SCYL2: variants seen among roughly 807,000 people sequenced by gnomAD.
The protein encoded by SCYL2 is SCY1 like pseudokinase 2.
SCYL2 carries 36 observed loss-of-function variants against 100.4 expected under a neutral mutation model. That is an observed-to-expected ratio of 0.36 (90% CI 0.27 to 0.47). The LOEUF (loss-of-function observed/expected upper bound fraction) is 0.47. Among genes scored for constraint, SCYL2 ranks in the 20% least tolerant of loss-of-function variants. SCYL2 has a pLI of 1.00. For synonymous variants in SCYL2, 330 were observed against 359.2 expected (o/e 0.92, Z 0.92); for missense variants, 902 against 1,083.9 (o/e 0.83, Z 2.36).
At position 100,311,068 on chromosome 12, in the gene SCYL2, C is replaced by T. The variant is rs1404664846; in HGVS notation, c.505C>T (p.His169Tyr). ...GGTTTCTGAAGGATTGTCATTCTTG[C>T]ATAGCAGTGTGAAAATGGTGCATGG... is the stretch of plus-strand genomic sequence containing the variant. ...LQVSEGLSFL[H>Y]SSVKMVHGNI... The change falls in exon 5 of 18, where the codon CAT (histidine) becomes TAT (tyrosine). Residue 169 changes from histidine (H) to tyrosine (Y), a missense_variant. Transcript: ENST00000360820. 1.3e-6 allele frequency: 2 copies of T among 1,596,492 alleles called. No individual in the cohort carries two copies. The highest frequency in any genetic ancestry group is 1.7e-5 in the Admixed American group (1 of 57,248).
intron 2 of SCYL2, among the ~76,000 whole-genome samples, chr12:100,283,721 G>A (rs779158838): frequency 6.6e-6 from 1 of 152,132 alleles, no homozygotes; most frequent in Non-Finnish European, 1.5e-5. Flanking sequence ...ACAATTGTGG[G>A]TATGCATTAT....
chr12:100,298,215 C>T (rs1046245633), intron 4 of SCYL2, 40 bp downstream of exon 4: 62 of 1,425,102 alleles, frequency 4.4e-5, no homozygotes, highest in Non-Finnish European at 5.6e-5. Context: ...GAGTTGTTTC[C>T]TTTAAAATTG....
chr12:100,316,521 A>G (rs2096348932), intron 9 of SCYL2, among the ~76,000 whole-genome samples: 1 of 152,244 alleles, frequency 6.6e-6, no homozygotes, highest in African/African-American at 2.4e-5. Flanking sequence ...TATATCAACT[A>G]TCTAATTTAA....
rs566659264 is a variant in SCYL2 at position 100,299,946 on chromosome 12, A to G, written c.480+1771A>G. Among the ~76,000 whole-genome samples the G allele has an allele frequency of 7.2e-5, 11 of 152,366 alleles. No homozygotes were observed. The East Asian group carries it at 2.1e-3, about 29-fold the overall frequency. Reference sequence around the variant, plus strand: ...TTTTAAGAAAATGATACTGTTTTCCATAGTGGTTGTGCCATTTTACATTTC... The same window carrying G: ...TTTTAAGAAAATGATACTGTTTTCCGTAGTGGTTGTGCCATTTTACATTTC... On this transcript the variant is annotated intron_variant, in intron 4 of 17. Coordinates refer to ENST00000360820, the MANE Select transcript of SCYL2 (RefSeq NM_017988.6).
At chr12:100,313,572 G>T in intron 7 of SCYL2, 34 bp downstream of exon 7, 1 of 1,174,092 alleles carries the variant, frequency 8.5e-7, no homozygotes, top group South Asian at 1.3e-5. Flanking sequence ...TAAGATGGAG[G>T]AACAAAAAAT....
chr12:100,295,636 C>T (rs555510760), intron 3 of SCYL2, among the ~76,000 whole-genome samples: 118 of 151,792 alleles, frequency 7.8e-4, no homozygotes, highest in Non-Finnish European at 9.0e-4. Context: ...TGCAGTGAGC[C>T]GAGATGGCAG....
At position 100,339,888 on chromosome 12, in the gene SCYL2, G is replaced by A. The variant is rs548864241; in HGVS notation, c.*716G>A. 52 of 152,502 alleles carry A rather than the reference G, an allele frequency of 3.4e-4. No homozygotes were observed. The highest frequency in any genetic ancestry group is 1.2e-3 in the African/African-American group (51 of 41,558). The allele number at this position is 152,502 out of a possible 1,614,324, so 9.4% of individuals were successfully genotyped here. A position where few individuals can be genotyped will look rare whatever the true frequency, so the allele number is the denominator to read the frequency against. ...TTCTGCATTCACTTGGATATATTTA[G>A]AATCACTTTTTTCCTCCTGTATCAA... On this transcript the variant is annotated 3_prime_UTR_variant, in exon 18 of 18. Transcript: ENST00000360820.
At chr12:100,321,342 G>A (rs1435927170) in intron 10 of SCYL2, among the ~76,000 whole-genome samples, 1 of 152,090 alleles carries the variant, frequency 6.6e-6, no homozygotes, top group Non-Finnish European at 1.5e-5. Context: ...TTGTGCTTCC[G>A]TTTTCCTCAG....
At chr12:100,270,069 C>T (rs1009300533) in intron 1 of SCYL2, among the ~76,000 whole-genome samples, 11 of 151,700 alleles carry the variant, frequency 7.3e-5, no homozygotes, top group Non-Finnish European at 1.5e-4. Flanking sequence ...TCACTGCAAG[C>T]TCCGCCTCCC....
chr12:100,312,554 T>C lies in SCYL2; in HGVS notation c.753T>C (p.Ser251=), dbSNP rs780224564. ...VSCETASDMY[S]LGTVMYAVFN... Reference sequence around the variant, plus strand: ...GTGAAACAGCCAGTGATATGTATTCTTTAGGAACTGTTATGTATGCTGTAT... The same window carrying C: ...GTGAAACAGCCAGTGATATGTATTCCTTAGGAACTGTTATGTATGCTGTAT... The change falls in exon 6 of 18, where the codon TCT becomes TCC. Residue 251 remains serine (S), a synonymous_variant. Transcript: ENST00000360820. 4 of 1,612,904 alleles carry C rather than the reference T, an allele frequency of 2.5e-6. No individual in the cohort carries two copies. Among genetic ancestry groups the C allele is most frequent in the Non-Finnish European group, 2.5e-6 (3 of 1,178,960 alleles).
Position 100,317,904 on chromosome 12 carries a change from A to G in SCYL2, c.1374A>G (p.Glu458=), listed in dbSNP as rs148050359. Residue 458 remains glutamate, a synonymous_variant, in exon 10 of 18, where the codon GAA becomes GAG. Coordinates refer to ENST00000360820, the MANE Select transcript of SCYL2 (RefSeq NM_017988.6). ...TACCCATGGTTTACAGAGCACTAGA[A>G]GCTCCTTCCATTCAGATCCAGGTAC... ...SVLPMVYRAL[E]APSIQIQELC... 539 of 1,587,434 alleles carry G rather than the reference A, an allele frequency of 3.4e-4. 8 individuals carry two copies. The African/African-American group carries it at 6.7e-3, about 20-fold the overall frequency.
intron 4 of SCYL2, among the ~76,000 whole-genome samples, chr12:100,307,917 G>A (rs1007984409): frequency 3.3e-5 from 5 of 152,182 alleles, no homozygotes; most frequent in African/African-American, 1.2e-4. Context: ...TTAGAGAAAT[G>A]CAAATCAAAA....
intron 4 of SCYL2, among the ~76,000 whole-genome samples, chr12:100,299,619 G>C (rs533973431): frequency 6.6e-6 from 1 of 151,910 alleles, no homozygotes; most frequent in South Asian, 2.1e-4. Context: ...GGAATCATAT[G>C]GTACCTATTC....
At chr12:100,296,570 C>T (rs994200401) in intron 3 of SCYL2, among the ~76,000 whole-genome samples, 7 of 151,996 alleles carry the variant, frequency 4.6e-5, no homozygotes, top group Non-Finnish European at 1.0e-4. Flanking sequence ...CCTGCTAACA[C>T]TGGGGAATAC....
Position 100,329,317 on chromosome 12 carries a change from C to G in SCYL2, c.1759C>G (p.Gln587Glu), listed in dbSNP as rs1350710771. ...LSIENNLNLN[Q>E]FNSFISVIKE... is the part of the protein sequence containing the mutation. Reference sequence around the variant, plus strand: ...TATTGAAAACAATCTTAATCTTAATCAGGTAGGAGTATTTTTGTGCTTTAT... The same window carrying G: ...TATTGAAAACAATCTTAATCTTAATGAGGTAGGAGTATTTTTGTGCTTTAT... The change falls in exon 13 of 18, where the codon CAG becomes GAG. Residue 587 changes from glutamine (Q) to glutamate (E), a missense_variant and splice_region_variant. Gln to Glu is a conservative substitution (Grantham distance 29). Coordinates refer to ENST00000360820, the MANE Select transcript of SCYL2 (RefSeq NM_017988.6). 1 of 1,438,170 alleles carries G rather than the reference C, an allele frequency of 7.0e-7. No individual in the cohort carries two copies. Among genetic ancestry groups the G allele is most frequent in the Non-Finnish European group, 9.8e-7 (1 of 1,021,174 alleles). 89.1% of individuals were successfully genotyped at this position (1,438,170 alleles called of 1,614,324 possible).
chr12:100,281,017 G>GTGTTTTGTTTTTTT (rs1356176611), intron 1 of SCYL2, among the ~76,000 whole-genome samples: 1 of 91,694 alleles, frequency 1.1e-5, no homozygotes, highest in African/African-American at 4.5e-5. Flanking sequence ...TTTACCATCA[G>GTGTTTTGTTTTTTT]TGTTTTTTTT....
intron 13 of SCYL2, among the ~76,000 whole-genome samples, chr12:100,329,989 A>G (rs1247449431): frequency 5.9e-5 from 9 of 152,198 alleles, no homozygotes; most frequent in Admixed American, 4.6e-4. Flanking sequence ...GACTGAAATT[A>G]TAGTCCCTTG....
Position 100,298,110 on chromosome 12 carries a change from C to G in SCYL2, c.415C>G (p.Pro139Ala). The G allele has an allele frequency of 6.2e-7, 1 of 1,607,406 alleles. No individual in the cohort carries two copies. The highest frequency in any genetic ancestry group is 8.5e-7 in the Non-Finnish European group (1 of 1,175,376). The change falls in exon 4 of 18, where the codon CCT (proline) becomes GCT (alanine). Residue 139 changes from proline (P) to alanine (A), a missense_variant. Transcript: ENST00000360820. ...TGGTAACTGGGAAAATCTACCTTCC[C>G]CTATATCTCCAGACATTAAGGATTA... ...VLGNWENLPS[P>A]ISPDIKDYKL...
At chr12:100,282,813 A>G (rs2096300339) in intron 1 of SCYL2, 130 bp from the exon 2 acceptor site, 2 of 417,756 alleles carry the variant, frequency 4.8e-6, no homozygotes, top group Admixed American at 4.4e-5. Context: ...AAACCAACAT[A>G]CAACTTTCAT....
Sources: gnomAD v4.1 joint callset for allele counts (sites outside exome capture counted in the v4.1 genomes callset) on GRCh38, gnomAD v4.1.1 for gene constraint, MANE v1.5 for transcripts, NCBI Gene and HGNC (gene_info 2026-07-23, HGNC 2026-07-21) for gene names.